ERAP1: variants seen among roughly 807,000 people sequenced by gnomAD.
ERAP1 encodes endoplasmic reticulum aminopeptidase 1, also known as adipocyte-derived leucine aminopeptidase.
In ERAP1, 86 loss-of-function variants were observed where a neutral mutation model predicts 103.7. The observed-to-expected ratio is 0.83, with a 90% CI of 0.70 to 0.99. The LOEUF (loss-of-function observed/expected upper bound fraction) is 0.99. ERAP1 is among the 50% of genes least tolerant of loss of function. The pLI, the probability that ERAP1 is intolerant of heterozygous loss-of-function variation, is 0.00. For missense variants in ERAP1, 1,009 were observed against 1,128.4 expected (o/e 0.89, Z 1.52); for synonymous variants, 398 against 402.4 (o/e 0.99, Z 0.13).
intron 3 of ERAP1, among the ~76,000 whole-genome samples, chr5:96,800,069 C>A (rs999132944): frequency 6.6e-6 from 1 of 152,200 alleles, no homozygotes; most frequent in Non-Finnish European, 1.5e-5. Context: ...CTAGGCAAAG[C>A]CTATTCTACT....
the ERAP1 span, among the ~76,000 whole-genome samples, chr5:96,926,706 A>G: frequency 6.6e-6 from 1 of 152,228 alleles, no homozygotes; most frequent in Admixed American, 6.5e-5. Context: ...TATACATATA[A>G]ATGTTTCACA....
At chr5:96,771,751 A>G, downstream of ERAP1, 3 of 1,163,688 alleles carry the variant, frequency 2.6e-6, no homozygotes, top group Non-Finnish European at 3.9e-6. Flanking sequence ...TCTTCTGCCA[A>G]TTTATGTGTT....
At position 96,783,838 on chromosome 5, in the gene ERAP1, C is replaced by T. The variant is rs1385177155; in HGVS notation, c.2100+86G>A. On this transcript the variant is annotated intron_variant, in intron 14 of 18. Coordinates refer to ENST00000443439, the MANE Select transcript of ERAP1 (RefSeq NM_001040458.3). Reference sequence around the variant, plus strand: ...AAAGATACACACACACACACACACACACACACACACACACACATACACACA... The same window carrying T: ...AAAGATACACACACACACACACACATACACACACACACACACATACACACA... 24 of 859,158 alleles carry T rather than the reference C, an allele frequency of 2.8e-5. 1 individual carries two copies. The highest frequency in any genetic ancestry group is 3.4e-5 in the Non-Finnish European group (20 of 583,472). 53.2% of individuals were successfully genotyped at this position (859,158 alleles called of 1,614,324 possible).
chr5:96,803,034 T>C (rs1356889073), intron 2 of ERAP1, among the ~76,000 whole-genome samples: 1 of 152,070 alleles, frequency 6.6e-6, no homozygotes, highest in East Asian at 1.9e-4. Flanking sequence ...CCTCCAGACC[T>C]GAGAGAGAAT....
chr5:96,801,662 G>C (rs1467299866), intron 2 of ERAP1, among the ~76,000 whole-genome samples: 1 of 151,448 alleles, frequency 6.6e-6, no homozygotes, highest in Admixed American at 6.6e-5. Flanking sequence ...GACCACCCTG[G>C]CCAACATGGT....
chr5:96,781,797 G>A lies in ERAP1; in HGVS notation c.2343C>T (p.Gly781=). The A allele has an allele frequency of 6.2e-7, 1 of 1,614,110 alleles. No individual in the cohort carries two copies. Among genetic ancestry groups the A allele is most frequent in the Non-Finnish European group, 8.5e-7 (1 of 1,180,020 alleles). Residue 781 remains glycine, a synonymous_variant, in exon 16 of 19, where the codon GGC becomes GGT. Transcript: ENST00000443439. ...VFAVGAQSTE[G]WDFLYSKYQF... is the part of the protein sequence containing the mutation. Reference sequence around the variant, plus strand: ...GATATTTACTATAAAGAAAATCCCAGCCTTCTGTGCTCTGGGCCCCCACAG... The same window carrying A: ...GATATTTACTATAAAGAAAATCCCAACCTTCTGTGCTCTGGGCCCCCACAG...
At chr5:96,765,975 G>C in intron 19 of ERAP1, 1 of 833,342 alleles carries the variant, frequency 1.2e-6, no homozygotes, top group Non-Finnish European at 2.0e-6. Context: ...AACAAATGCT[G>C]AATGCTGCAT....
the ERAP1 span, among the ~76,000 whole-genome samples, chr5:96,876,752 T>A: frequency 6.6e-6 from 1 of 152,150 alleles, no homozygotes; most frequent in African/African-American, 2.4e-5. Context: ...AGAGATCTTT[T>A]TGTCTTTTCT....
the ERAP1 span, chr5:96,895,371 A>G: frequency 2.6e-5 from 39 of 1,492,482 alleles, no homozygotes; most frequent in East Asian, 7.9e-4. Flanking sequence ...TAAGTTCACA[A>G]TTCTGTGTAT....
intron 16 of ERAP1, 73 bp downstream of exon 16, chr5:96,781,620 A>T (rs1434533054): frequency 6.2e-7 from 1 of 1,602,440 alleles, no homozygotes; most frequent in Non-Finnish European, 8.5e-7. Flanking sequence ...AGAAAACAAA[A>T]ATAGATGCCA....
At chr5:96,881,286 A>G in the ERAP1 span, 1 of 401,758 alleles carries the variant, frequency 2.5e-6, no homozygotes, top group Non-Finnish European at 5.0e-6. Flanking sequence ...AGTTCAGGTA[A>G]GAAGTGATGC....
intron 17 of ERAP1, 38 bp downstream of exon 17, chr5:96,781,020 A>T: frequency 6.2e-7 from 1 of 1,613,164 alleles, no homozygotes. Flanking sequence ...AAGGTTATGA[A>T]CTTATCCAGT....
chr5:96,831,357 A>AACACTGGGG, the ERAP1 span, among the ~76,000 whole-genome samples: 3 of 152,166 alleles, frequency 2.0e-5, no homozygotes, highest in African/African-American at 7.2e-5. Flanking sequence ...CCCCACCTCC[A>AACACTGGGG]ACACTGGGGA....
At chr5:96,863,669 T>A in the ERAP1 span, among the ~76,000 whole-genome samples, 2 of 152,316 alleles carry the variant, frequency 1.3e-5, no homozygotes, top group East Asian at 3.9e-4. Context: ...TGCCTTTTTA[T>A]GTGAATTCCT....
the ERAP1 span, among the ~76,000 whole-genome samples, chr5:96,907,650 G>A: frequency 6.6e-6 from 1 of 151,978 alleles, no homozygotes; most frequent in Non-Finnish European, 1.5e-5. Context: ...GGGAGGCCGA[G>A]GCGGGTGGAT....
the ERAP1 span, chr5:96,915,607 C>A: frequency 1.4e-6 from 1 of 702,100 alleles, no homozygotes; most frequent in South Asian, 3.2e-5. Context: ...TATTAATATA[C>A]ATTAAAAATA....
chr5:96,799,212 GATTAA>G (rs113003291), intron 3 of ERAP1, among the ~76,000 whole-genome samples: 24,627 of 151,850 alleles, frequency 0.16, 2,230 homozygotes, highest in Non-Finnish European at 0.22. Context: ...AAAATAACCT[GATTAA>G]ATTAATTCAA....
At chr5:96,869,574 C>T in the ERAP1 span, among the ~76,000 whole-genome samples, 109 of 152,298 alleles carry the variant, frequency 7.2e-4, no homozygotes, top group African/African-American at 2.5e-3. Context: ...CTGTCTGGAA[C>T]AAAGGGCTTG....
intron 2 of ERAP1, among the ~76,000 whole-genome samples, chr5:96,801,394 G>GTT (rs1438289665): frequency 1.3e-5 from 2 of 151,490 alleles, no homozygotes; most frequent in South Asian, 2.1e-4. Flanking sequence ...GGAGGCAGAG[G>GTT]TTTCAGTGAC....
Sources: gnomAD v4.1 joint callset for allele counts (sites outside exome capture counted in the v4.1 genomes callset) on GRCh38, gnomAD v4.1.1 for gene constraint, MANE v1.5 for transcripts, NCBI Gene and HGNC (gene_info 2026-07-23, HGNC 2026-07-21) for gene names.